The following TAOK3 variants were observed in gnomAD, a reference collection of about 807,000 sequenced individuals.
TAOK3 encodes the protein TAO kinase 3, also known as serine/threonine-protein kinase TAO3.
A neutral mutation model predicts 120.4 loss-of-function variants in TAOK3; 40 were observed. That is an observed-to-expected ratio of 0.33 (90% confidence interval 0.26 to 0.43). The LOEUF (loss-of-function observed/expected upper bound fraction) is 0.43. Ranked by LOEUF, TAOK3 falls within the 20% of genes least tolerant of loss-of-function variation. TAOK3 has a pLI of 1.00. For missense variants in TAOK3, 821 were observed against 1,112.1 expected, an observed-to-expected ratio of 0.74 and a Z score of 3.72; for synonymous variants, 355 against 387.5, an observed-to-expected ratio of 0.92 and a Z score of 0.99.
At chr12:118,312,264 T>C (rs2043291149) in intron 1 of TAOK3, among the ~76,000 whole-genome samples, 1 of 152,102 alleles carries the variant, frequency 6.6e-6, no homozygotes, top group Non-Finnish European at 1.5e-5. Context: ...TTTATTAAGC[T>C]ACTAAATTCC....
chr12:118,363,967 C>T (rs2045676329), intron 1 of TAOK3, among the ~76,000 whole-genome samples: 4 of 151,982 alleles, frequency 2.6e-5, no homozygotes, highest in Admixed American at 2.0e-4. Flanking sequence ...ACTAAAAATA[C>T]AAAATTAGCT....
chr12:118,342,479 G>A (rs1593622032), intron 1 of TAOK3, among the ~76,000 whole-genome samples: 3 of 152,254 alleles, frequency 2.0e-5, no homozygotes, highest in South Asian at 2.1e-4. Context: ...GGTTAGAAAC[G>A]TGTCATCCAC....
At chr12:118,193,409 T>C (rs2037541253) in intron 13 of TAOK3, among the ~76,000 whole-genome samples, 1 of 152,216 alleles carries the variant, frequency 6.6e-6, no homozygotes, top group Non-Finnish European at 1.5e-5. Context: ...GCTGTCATAA[T>C]GTTTCTTCAA....
chr12:118,188,113 G>T (rs1035123333), intron 14 of TAOK3, among the ~76,000 whole-genome samples: 1 of 152,198 alleles, frequency 6.6e-6, no homozygotes, highest in Admixed American at 6.5e-5. Context: ...CTGTCCCAGA[G>T]GGGGAAAGCC....
intron 2 of TAOK3, among the ~76,000 whole-genome samples, chr12:118,264,654 A>G (rs2041366890): frequency 6.6e-6 from 1 of 152,208 alleles, no homozygotes; most frequent in Non-Finnish European, 1.5e-5. Flanking sequence ...TATTTCCACT[A>G]TGATGGTGGT....
At chr12:118,341,335 AT>A (rs1256324559) in intron 1 of TAOK3, among the ~76,000 whole-genome samples, 8 of 152,126 alleles carry the variant, frequency 5.3e-5, no homozygotes, top group African/African-American at 1.9e-4. Flanking sequence ...TTTAACGATA[AT>A]TTTTTAATGC....
At chr12:118,235,415 T>A (rs577371511) in intron 8 of TAOK3, 143 bp downstream of exon 8, 2 of 584,454 alleles carry the variant, frequency 3.4e-6, no homozygotes, top group African/African-American at 3.7e-5. Flanking sequence ...TTTATGCCAG[T>A]GGGCTTTCTA....
At chr12:118,159,836 G>A in intron 19 of TAOK3, 1 of 375,752 alleles carries the variant, frequency 2.7e-6, no homozygotes, top group East Asian at 5.9e-5. Context: ...GGGGAGGGCA[G>A]TCAGTAAAAT....
At chr12:118,318,564 CA>C (rs1480052596) in intron 1 of TAOK3, among the ~76,000 whole-genome samples, 2 of 151,980 alleles carry the variant, frequency 1.3e-5, no homozygotes, top group African/African-American at 2.4e-5. Context: ...TAGTTTTTAG[CA>C]AAAAGACAAA....
chr12:118,185,413 A>G (rs937596839), intron 14 of TAOK3, among the ~76,000 whole-genome samples: 4 of 152,178 alleles, frequency 2.6e-5, no homozygotes, highest in Non-Finnish European at 2.9e-5. Context: ...ATAAAACAAG[A>G]GCATGGTGGC....
intron 3 of TAOK3, among the ~76,000 whole-genome samples, chr12:118,247,773 C>A (rs960074868): frequency 6.6e-6 from 1 of 152,100 alleles, no homozygotes; most frequent in Non-Finnish European, 1.5e-5. Context: ...CATCAGCCTC[C>A]CAAAGTACTG....
chr12:118,187,123 T>C (rs549470066), intron 14 of TAOK3, among the ~76,000 whole-genome samples: 2 of 152,358 alleles, frequency 1.3e-5, no homozygotes, highest in East Asian at 3.9e-4. Flanking sequence ...TATCTAGTTA[T>C]TGAAAAACTA....
intron 1 of TAOK3, among the ~76,000 whole-genome samples, chr12:118,275,370 G>A (rs2041868838): frequency 6.6e-6 from 1 of 151,894 alleles, no homozygotes; most frequent in African/African-American, 2.4e-5. Flanking sequence ...CCTGGGTCAA[G>A]CAATCCTCCT....
chr12:118,298,503 CAAAT>C (rs1293320123), intron 1 of TAOK3, among the ~76,000 whole-genome samples: 2 of 152,112 alleles, frequency 1.3e-5, no homozygotes, highest in Admixed American at 6.5e-5. Flanking sequence ...AAAAAACTAA[CAAAT>C]AAAACCCCAC....
intron 19 of TAOK3, among the ~76,000 whole-genome samples, chr12:118,157,083 T>C (rs1291308221): frequency 1.3e-5 from 2 of 152,118 alleles, no homozygotes; most frequent in African/African-American, 4.8e-5. Flanking sequence ...GAAGTCATCC[T>C]GAACACTGGA....
intron 19 of TAOK3, among the ~76,000 whole-genome samples, chr12:118,158,549 C>A (rs192771538): frequency 7.9e-5 from 12 of 152,176 alleles, no homozygotes; most frequent in Admixed American, 6.6e-4. Flanking sequence ...TCAAATTGGT[C>A]ACTAAGTTAT....
chr12:118,368,670 G>A (rs2045811588), intron 1 of TAOK3, among the ~76,000 whole-genome samples: 1 of 150,770 alleles, frequency 6.6e-6, no homozygotes, highest in Non-Finnish European at 1.5e-5. Context: ...GCCGGGTGTG[G>A]TGGCGCACGC....
chr12:118,223,219 C>T (rs1339851797), intron 9 of TAOK3, among the ~76,000 whole-genome samples: 3 of 150,172 alleles, frequency 2.0e-5, no homozygotes, highest in Admixed American at 6.6e-5. Context: ...TACAGGTGCC[C>T]GCCACCACGC....
At chr12:118,308,146 A>G (rs753197912) in intron 1 of TAOK3, among the ~76,000 whole-genome samples, 4 of 152,160 alleles carry the variant, frequency 2.6e-5, no homozygotes, top group Non-Finnish European at 5.9e-5. Context: ...CACCAAAACC[A>G]AGATGGCAAT....
Sources: gnomAD v4.1 joint callset for allele counts (sites outside exome capture counted in the v4.1 genomes callset) on GRCh38, gnomAD v4.1.1 for gene constraint, MANE v1.5 for transcripts, NCBI Gene and HGNC (gene_info 2026-07-23, HGNC 2026-07-21) for gene names.